PARD3: variants seen among roughly 807,000 people sequenced by gnomAD.
PARD3 encodes the protein par-3 family cell polarity regulator.
In PARD3, 75 loss-of-function variants were observed where a neutral mutation model predicts 155.4. That is an observed-to-expected ratio of 0.48 (90% CI 0.40 to 0.58). The LOEUF (loss-of-function observed/expected upper bound fraction) is 0.58, where lower values mean the gene tolerates loss of function less well. PARD3 is among the 20% of genes least tolerant of loss of function. The pLI, the probability that PARD3 is intolerant of heterozygous loss-of-function variation, is 0.00. For synonymous variants in PARD3, 576 were observed against 610.5 expected, an observed-to-expected ratio of 0.94 and a Z score of 0.83; for missense variants, 1,642 against 1,721.7, an observed-to-expected ratio of 0.95 and a Z score of 0.82.
chr10:34,110,985 T>C lies in PARD3; in HGVS notation c.*184A>G. On this transcript the variant is annotated 3_prime_UTR_variant, in exon 25 of 25. Coordinates refer to ENST00000374788, the MANE Select transcript of PARD3 (RefSeq NM_001184785.2). ...GGAAATCCTTCCATGAAACAGACAC[T>C]TGAGACATAGTGGCAAAGACATTAA... 1.8e-6 allele frequency: 1 copy of C among 561,346 alleles called. No homozygotes were observed. The allele number at this position is 561,346 out of a possible 1,614,324, so 34.8% of individuals were successfully genotyped here.
chr10:34,420,659 T>G (rs951455429), intron 5 of PARD3, among the ~76,000 whole-genome samples: 18 of 152,192 alleles, frequency 1.2e-4, no homozygotes, highest in Admixed American at 9.2e-4. Context: ...ATATTTTACA[T>G]GTACATGTAC....
At chr10:34,623,956 G>A (rs950194675) in intron 2 of PARD3, among the ~76,000 whole-genome samples, 1 of 151,276 alleles carries the variant, frequency 6.6e-6, no homozygotes. Flanking sequence ...CTCCAGCCTG[G>A]GCCACAGAGC....
intron 22 of PARD3, among the ~76,000 whole-genome samples, chr10:34,192,142 A>T (rs900610580): frequency 2.6e-5 from 4 of 151,490 alleles, no homozygotes; most frequent in Admixed American, 2.6e-4. Flanking sequence ...TGCCCGGCTC[A>T]TTGCAACCTC....
At chr10:34,307,788 C>A (rs541193581) in intron 20 of PARD3, among the ~76,000 whole-genome samples, 1 of 152,038 alleles carries the variant, frequency 6.6e-6, no homozygotes, top group African/African-American at 2.4e-5. Context: ...TGATGATGGA[C>A]GCATCATGCA....
chr10:34,216,218 G>A (rs921747981), intron 22 of PARD3, among the ~76,000 whole-genome samples: 1 of 152,124 alleles, frequency 6.6e-6, no homozygotes, highest in African/African-American at 2.4e-5. Context: ...TAGGAAACAT[G>A]CACAAAATTG....
chr10:34,482,307 C>A (rs1016260806), intron 3 of PARD3, among the ~76,000 whole-genome samples: 13 of 151,966 alleles, frequency 8.6e-5, no homozygotes, highest in Non-Finnish European at 1.2e-4. Flanking sequence ...AGTGCTGGTA[C>A]AGGCATGAGT....
chr10:34,592,177 A>T (rs1298373434), intron 2 of PARD3, among the ~76,000 whole-genome samples: 3 of 152,128 alleles, frequency 2.0e-5, no homozygotes, highest in Non-Finnish European at 2.9e-5. Context: ...TCTTTTCTGG[A>T]CTCATGATAC....
At chr10:34,454,046 G>A (rs1224848390) in intron 4 of PARD3, among the ~76,000 whole-genome samples, 2 of 152,150 alleles carry the variant, frequency 1.3e-5, no homozygotes, top group Non-Finnish European at 2.9e-5. Flanking sequence ...TATGAAAAGT[G>A]CAGTTATTTA....
At chr10:34,198,023 G>A (rs556468538) in intron 22 of PARD3, among the ~76,000 whole-genome samples, 6 of 152,300 alleles carry the variant, frequency 3.9e-5, no homozygotes, top group South Asian at 2.1e-4. Context: ...CACCGCGCCC[G>A]GCCGAATCTG....
chr10:34,713,234 TA>T (rs2094472828), intron 1 of PARD3, among the ~76,000 whole-genome samples: 1 of 151,542 alleles, frequency 6.6e-6, no homozygotes, highest in Non-Finnish European at 1.5e-5. Context: ...ATTAATTAAT[TA>T]AAAGTGGAAA....
intron 20 of PARD3, among the ~76,000 whole-genome samples, chr10:34,305,525 G>A (rs890410887): frequency 4.6e-5 from 7 of 152,210 alleles, no homozygotes; most frequent in African/African-American, 1.7e-4. Context: ...ACGTTTTCAG[G>A]CGTAGGCAGA....
intron 2 of PARD3, among the ~76,000 whole-genome samples, chr10:34,665,911 G>A (rs926235283): frequency 1.1e-4 from 10 of 89,810 alleles, no homozygotes; most frequent in African/African-American, 1.7e-4. Flanking sequence ...AGAACAAAAA[G>A]AAAAGAAAAG....
chr10:34,491,950 A>G (rs1055469829), intron 3 of PARD3, among the ~76,000 whole-genome samples: 2 of 152,226 alleles, frequency 1.3e-5, no homozygotes, highest in Non-Finnish European at 2.9e-5. Context: ...CATTTCCAGT[A>G]GGCTTAAGAA....
chr10:34,604,046 G>A (rs1425713263), intron 2 of PARD3, among the ~76,000 whole-genome samples: 2 of 152,156 alleles, frequency 1.3e-5, no homozygotes, highest in African/African-American at 4.8e-5. Context: ...CTCTTAAGAA[G>A]TGAGTAAATC....
At chr10:34,336,521 G>A (rs770689377) in intron 17 of PARD3, among the ~76,000 whole-genome samples, 26 of 152,024 alleles carry the variant, frequency 1.7e-4, no homozygotes, top group African/African-American at 5.6e-4. Flanking sequence ...TTCTTTATGC[G>A]TATGATAAAT....
At position 34,325,389 on chromosome 10, in the gene PARD3, A is replaced by G. The variant is rs73256759; in HGVS notation, c.2833+5728T>C. 3.5e-3 allele frequency among the ~76,000 whole-genome samples: 533 copies of G among 152,082 alleles called. 1 individual carries two copies. Among genetic ancestry groups the G allele is most frequent in the African/African-American group, 0.012 (498 of 41,496 alleles). On this transcript the variant is annotated intron_variant, in intron 19 of 24. Transcript: ENST00000374788. ...GCCCAGAGATGGCTCCCCATTCCCT[A>G]TGTTCCATATTTCTCTGTGCATCCA...
intron 1 of PARD3, among the ~76,000 whole-genome samples, chr10:34,707,777 T>C (rs2094388256): frequency 6.6e-6 from 1 of 152,198 alleles, no homozygotes; most frequent in South Asian, 2.1e-4. Context: ...CTCAGTGTTA[T>C]TTCAACTCCA....
chr10:34,459,596 CAG>C (rs2077518939), intron 4 of PARD3, among the ~76,000 whole-genome samples: 1 of 152,088 alleles, frequency 6.6e-6, no homozygotes, highest in African/African-American at 2.4e-5. Context: ...AGATGCTAGA[CAG>C]AAAGGGAGAG....
At position 34,705,096 on chromosome 10, in the gene PARD3, G is replaced by A. The variant is rs1406841958; in HGVS notation, c.121-8677C>T. ...GAAGTTCTGTTCTTAAAAAAAAAAT[G>A]AATCATTAGCACTTCAAGATAGATA... On this transcript the variant is annotated intron_variant, in intron 1 of 24. Transcript: ENST00000374788. Among the ~76,000 whole-genome samples, 4 of 151,984 alleles carry A rather than the reference G, an allele frequency of 2.6e-5. No homozygotes were observed. The East Asian group carries it at 7.7e-4, about 29-fold the overall frequency.
Sources: allele counts gnomAD v4.1 joint callset (sites outside exome capture counted in the v4.1 genomes callset), GRCh38; gene constraint gnomAD v4.1.1; transcripts MANE v1.5; gene names NCBI Gene and HGNC (gene_info 2026-07-23, HGNC 2026-07-21).